Variants in DLGAP1 observed in about 807,000 individuals in gnomAD.
The protein encoded by DLGAP1 is disks large-associated protein 1.
In DLGAP1, 11 loss-of-function variants were observed where a neutral mutation model predicts 90.8. That is an observed-to-expected ratio of 0.12 (90% confidence interval 0.08 to 0.20). DLGAP1 has a LOEUF of 0.20. Among genes scored for constraint, DLGAP1 ranks in the 10% least tolerant of loss-of-function variants. DLGAP1 has a pLI of 1.00. For missense variants in DLGAP1, 1,050 were observed against 1,333.8 expected, an observed-to-expected ratio of 0.79 and a Z score of 3.31; for synonymous variants, 558 against 540.7, an observed-to-expected ratio of 1.03 and a Z score of -0.44.
chr18:3,973,052 A>C (rs1194702602), intron 3 of DLGAP1, among the ~76,000 whole-genome samples: 1 of 152,216 alleles, frequency 6.6e-6, no homozygotes, highest in Admixed American at 6.5e-5. Context: ...CTAATTTAAA[A>C]ATATCAACAA....
At position 3,547,126 on chromosome 18, in the gene DLGAP1, C is replaced by T. The variant is rs371877907; in HGVS notation, c.2058-12511G>A. Among the ~76,000 whole-genome samples, 5 of 151,672 alleles carry T rather than the reference C, an allele frequency of 3.3e-5. No homozygotes were observed. The South Asian group carries it at 6.2e-4, about 19-fold the overall frequency. On this transcript the variant is annotated intron_variant, in intron 9 of 12. Transcript: ENST00000315677. ...ACCATCCTGGCTAACAGGGTGAAACCCCGTCTCTACTAAAAATACAAAAAA... is the reference window on the plus strand; with the variant it reads ...ACCATCCTGGCTAACAGGGTGAAACTCCGTCTCTACTAAAAATACAAAAAA...
At chr18:3,765,166 T>C (rs74575019) in intron 5 of DLGAP1, among the ~76,000 whole-genome samples, 32,896 of 140,178 alleles carry the variant, frequency 0.23, 5,022 homozygotes, top group East Asian at 0.51. Flanking sequence ...CTCGCTCTGT[T>C]GCCCAGGCTG....
rs2073256551 is a variant in DLGAP1 at position 3,963,681 on chromosome 18, A to T, written c.-73+41435T>A. On this transcript the variant is annotated intron_variant, in intron 3 of 12. Transcript: ENST00000315677. ...ATATTTTCAGTGTGATTATGGATTG[A>T]TTCTTTGTTTCCATTGCAAGTACCT... Among the ~76,000 whole-genome samples the T allele has an allele frequency of 2.2e-5, 3 of 139,048 alleles. No individual in the cohort carries two copies. In the South Asian group the frequency reaches 6.9e-4, roughly 32 times the overall value. 91.2% of individuals were successfully genotyped at this position (139,048 alleles called of 152,430 possible). A position where few individuals can be genotyped will look rare whatever the true frequency, so the allele number is the denominator to read the frequency against.
chr18:3,659,302 C>G (rs990365664), intron 7 of DLGAP1, among the ~76,000 whole-genome samples: 13 of 151,950 alleles, frequency 8.6e-5, no homozygotes, highest in Non-Finnish European at 8.8e-5. Context: ...CATAGCACTG[C>G]TGACTTCCAG....
At chr18:3,902,321 CT>C (rs1437103152) in intron 3 of DLGAP1, among the ~76,000 whole-genome samples, 25 of 152,200 alleles carry the variant, frequency 1.6e-4, no homozygotes, top group African/African-American at 6.0e-4. Flanking sequence ...TATCGAGTTG[CT>C]TTTAACAAAT....
chr18:4,177,742 T>C (rs901502100), intron 1 of DLGAP1, among the ~76,000 whole-genome samples: 1 of 152,112 alleles, frequency 6.6e-6, no homozygotes, highest in Non-Finnish European at 1.5e-5. Context: ...ACTGTGTTAG[T>C]TTGTTTAGGA....
At chr18:4,255,500 TG>T (rs1411907245) in intron 1 of DLGAP1, among the ~76,000 whole-genome samples, 1 of 130,250 alleles carries the variant, frequency 7.7e-6, no homozygotes, top group Non-Finnish European at 1.5e-5. Context: ...TATATACAGA[TG>T]AAAAAAAAAA....
intron 1 of DLGAP1, among the ~76,000 whole-genome samples, chr18:4,168,539 A>C (rs1481782313): frequency 6.6e-6 from 1 of 152,090 alleles, no homozygotes; most frequent in Non-Finnish European, 1.5e-5. Context: ...TACCCATTAA[A>C]CCATAACTCC....
intron 10 of DLGAP1, among the ~76,000 whole-genome samples, chr18:3,528,104 C>G (rs1287625990): frequency 6.6e-6 from 1 of 152,152 alleles, no homozygotes; most frequent in African/African-American, 2.4e-5. Context: ...GACTTCAAGA[C>G]CAGATCTCCT....
chr18:3,620,612 C>T (rs1474073510), intron 7 of DLGAP1, among the ~76,000 whole-genome samples: 1 of 152,018 alleles, frequency 6.6e-6, no homozygotes, highest in Non-Finnish European at 1.5e-5. Flanking sequence ...GGCTGGAGTG[C>T]AATGGCAAGA....
chr18:3,559,624 C>CTTT (rs34093132), intron 9 of DLGAP1, among the ~76,000 whole-genome samples: 16 of 129,894 alleles, frequency 1.2e-4, no homozygotes, highest in East Asian at 2.1e-4. Context: ...ATCCAATCCA[C>CTTT]TTTTTTTTTT....
Position 4,312,614 on chromosome 18 carries a change from C to T in DLGAP1, c.-267+142392G>A, listed in dbSNP as rs76291923. Among the ~76,000 whole-genome samples the T allele has an allele frequency of 4.9e-3, 745 of 152,270 alleles. 7 individuals carry two copies. Among genetic ancestry groups the T allele is most frequent in the African/African-American group, 0.018 (728 of 41,564 alleles). ...CACCGCAAGATGAGGGGCATCTGTA[C>T]TTCAATTTGGAAACACTGACTTGAA... On this transcript the variant is annotated intron_variant, in intron 1 of 12. Transcript: ENST00000315677.
intron 7 of DLGAP1, among the ~76,000 whole-genome samples, chr18:3,697,709 G>T (rs2061142515): frequency 1.3e-5 from 2 of 152,014 alleles, no homozygotes; most frequent in African/African-American, 2.4e-5. Context: ...AGGTCCACTT[G>T]GTCCTAATAG....
chr18:4,010,425 G>A (rs1003690858), intron 2 of DLGAP1, among the ~76,000 whole-genome samples: 4 of 152,158 alleles, frequency 2.6e-5, no homozygotes, highest in African/African-American at 7.2e-5. Context: ...GCACAAGCCT[G>A]TGGTCCCAGC....
intron 7 of DLGAP1, among the ~76,000 whole-genome samples, chr18:3,709,309 C>A (rs1162126724): frequency 6.6e-6 from 1 of 152,142 alleles, no homozygotes; most frequent in African/African-American, 2.4e-5. Flanking sequence ...CCGAAGACAC[C>A]CCTTTAGGAG....
At chr18:4,178,356 C>T (rs1369164752) in intron 1 of DLGAP1, among the ~76,000 whole-genome samples, 2 of 151,936 alleles carry the variant, frequency 1.3e-5, no homozygotes, top group African/African-American at 4.8e-5. Flanking sequence ...TATAAGCACA[C>T]ACCACTATAT....
At chr18:4,089,318 G>GA (rs1243180965) in intron 2 of DLGAP1, among the ~76,000 whole-genome samples, 1 of 152,142 alleles carries the variant, frequency 6.6e-6, no homozygotes, top group African/African-American at 2.4e-5. Context: ...GAAACAAATG[G>GA]AAAAACATTC....
At chr18:4,350,976 C>A (rs950755458) in intron 1 of DLGAP1, among the ~76,000 whole-genome samples, 1 of 152,118 alleles carries the variant, frequency 6.6e-6, no homozygotes, top group African/African-American at 2.4e-5. Flanking sequence ...CCAGCACACA[C>A]TGAAATAGCC....
chr18:4,175,080 A>G (rs960793997), intron 1 of DLGAP1, among the ~76,000 whole-genome samples: 4 of 152,184 alleles, frequency 2.6e-5, no homozygotes, highest in African/African-American at 9.7e-5. Flanking sequence ...CCTCACCAGC[A>G]TCTATTATTT....
Sources: gnomAD v4.1 joint callset for allele counts (sites outside exome capture counted in the v4.1 genomes callset) on GRCh38, gnomAD v4.1.1 for gene constraint, MANE v1.5 for transcripts, NCBI Gene and HGNC (gene_info 2026-07-23, HGNC 2026-07-21) for gene names.